The following ZNF280C variants were observed in gnomAD, a reference collection of about 807,000 sequenced individuals.
ZNF280C encodes the protein zinc finger protein 280C, also known as suppressor of hairy wing homolog 3.
Under a neutral mutation model 53.6 loss-of-function variants are expected in ZNF280C, and 14 were observed. The observed-to-expected ratio is 0.26, with a 90% CI of 0.17 to 0.41. The LOEUF (loss-of-function observed/expected upper bound fraction) is 0.41. Among genes scored for constraint, ZNF280C ranks in the 10% least tolerant of loss-of-function variants. ZNF280C has a pLI of 1.00. For synonymous variants in ZNF280C, 203 were observed against 181.1 expected (o/e 1.12, Z -0.97); for missense variants, 416 against 547.1 (o/e 0.76, Z 2.39).
rs780232989 is a variant in ZNF280C, at chrX:130,204,253, G to A, written c.*724C>T. The A allele has an allele frequency of 2.7e-5, 3 of 112,269 alleles. No homozygotes were observed. In the South Asian group the frequency reaches 1.1e-3, roughly 42 times the overall value. 9.3% of individuals were successfully genotyped at this position (112,269 alleles called of 1,213,427 possible). On this transcript the variant is annotated 3_prime_UTR_variant, in exon 19 of 19. Transcript: ENST00000370978. The stretch of plus-strand genomic sequence containing the variant: ...TCATGGACTTTTCTTGGTTAGAATC[G>A]ACCCATAAGCTTAAGATCAAAAGCC...
chrX:130,212,379 A>T (rs1166782485), intron 15 of ZNF280C, among the ~76,000 whole-genome samples: 1 of 111,483 alleles, frequency 9.0e-6, no homozygotes, highest in Non-Finnish European at 1.9e-5. Flanking sequence ...GGACAAGAAC[A>T]GTTGAAGGGA....
At chrX:130,206,361 G>GTTTT (rs1048503644) in intron 16 of ZNF280C, among the ~76,000 whole-genome samples, 18 of 73,476 alleles carry the variant, frequency 2.4e-4, no homozygotes, top group East Asian at 5.1e-4. Flanking sequence ...GACTTCTTTA[G>GTTTT]TTTTTTTTTT....
intron 2 of ZNF280C, among the ~76,000 whole-genome samples, chrX:130,250,908 A>G (rs2032500575): frequency 9.1e-6 from 1 of 109,946 alleles, no homozygotes; most frequent in Non-Finnish European, 1.9e-5. Context: ...CGGCCTGGAT[A>G]GGTAACATGG....
chrX:130,236,669 T>C (rs1472790446), intron 6 of ZNF280C, 30 bp from the exon 7 acceptor site: 1 of 1,032,025 alleles, frequency 9.7e-7, no homozygotes, highest in Non-Finnish European at 1.3e-6. Flanking sequence ...GAGAAAGATA[T>C]TTGTAAATAT....
chrX:130,254,516 A>G (rs1400012077), intron 2 of ZNF280C, among the ~76,000 whole-genome samples: 1 of 112,361 alleles, frequency 8.9e-6, no homozygotes, highest in East Asian at 2.8e-4. Context: ...CCAAATGCCC[A>G]TCAATGGTAG....
chrX:130,262,383 C>T (rs758955200), intron 1 of ZNF280C, among the ~76,000 whole-genome samples: 3 of 112,443 alleles, frequency 2.7e-5, no homozygotes, highest in South Asian at 3.7e-4. Context: ...TGGGACGACA[C>T]GTCAAAAGAA....
At chrX:130,259,059 C>T (rs2032602822) in intron 2 of ZNF280C, among the ~76,000 whole-genome samples, 1 of 111,851 alleles carries the variant, frequency 8.9e-6, no homozygotes, top group Admixed American at 9.5e-5. Context: ...ACTTCCTCAG[C>T]AAACCATTAG....
intron 12 of ZNF280C, among the ~76,000 whole-genome samples, chrX:130,221,848 A>G (rs2032167286): frequency 9.0e-6 from 1 of 111,400 alleles, no homozygotes; most frequent in African/African-American, 3.3e-5. Context: ...GTGATCTTAA[A>G]ATGTTACAGA....
intron 6 of ZNF280C, 78 bp downstream of exon 6, chrX:130,239,504 C>T (rs1183679289): frequency 1.7e-6 from 1 of 576,984 alleles, no homozygotes; most frequent in Non-Finnish European, 2.8e-6. Flanking sequence ...GTATGGGCTT[C>T]AAAACAGAAA....
chrX:130,208,789 G>A lies in ZNF280C; in HGVS notation c.2042+864C>T, dbSNP rs886469571. On this transcript the variant is annotated intron_variant, in intron 16 of 18. Coordinates refer to ENST00000370978, the MANE Select transcript of ZNF280C (RefSeq NM_017666.5). Reference sequence around the variant, plus strand: ...CGGCTCACTGCAACCTCTGCCCTCCGGGTTCAAGCGATTCTCCTGCCTCAG... The same window carrying A: ...CGGCTCACTGCAACCTCTGCCCTCCAGGTTCAAGCGATTCTCCTGCCTCAG... Among the ~76,000 whole-genome samples, 5 of 108,334 alleles carry A rather than the reference G, an allele frequency of 4.6e-5. No individual in the cohort carries two copies. In the South Asian group the frequency reaches 1.2e-3, roughly 27 times the overall value. 94.1% of individuals were successfully genotyped at this position (108,334 alleles called of 115,157 possible).
At chrX:130,208,396 C>T (rs1013955041) in intron 16 of ZNF280C, among the ~76,000 whole-genome samples, 9 of 111,649 alleles carry the variant, frequency 8.1e-5, no homozygotes, top group African/African-American at 2.9e-4. Flanking sequence ...TCCCAAAGTG[C>T]TGGGATTACA....
chrX:130,243,677 A>T lies in ZNF280C; in HGVS notation c.267T>A (p.Thr89=), dbSNP rs905063462. 1.7e-6 allele frequency: 2 copies of T among 1,207,070 alleles called. No individual in the cohort carries two copies. The highest frequency in any genetic ancestry group is 3.5e-5 in the African/African-American group (2 of 57,175). ...HSPGIPEIFR[T]ASQRCRDPPS... is the part of the protein sequence containing the mutation. ...GTGGGTCTCTGCAGCGTTGACTTGC[A>T]GTCCTGAATATTTCAGGAATACCTG... The change falls in exon 5 of 19, where the codon ACT becomes ACA. Residue 89 remains threonine (T), a synonymous_variant. Transcript: ENST00000370978.
chrX:130,266,693 A>C (rs1308072504), intron 1 of ZNF280C, among the ~76,000 whole-genome samples: 2 of 112,079 alleles, frequency 1.8e-5, no homozygotes, highest in Non-Finnish European at 3.8e-5. Flanking sequence ...CAAATGAATA[A>C]AGTCTAGACG....
At chrX:130,240,314 T>C (rs1408618641) in intron 5 of ZNF280C, among the ~76,000 whole-genome samples, 5 of 111,442 alleles carry the variant, frequency 4.5e-5, no homozygotes, top group Non-Finnish European at 9.5e-5. Context: ...TATACTCTAA[T>C]GTCACCCTAA....
intron 2 of ZNF280C, among the ~76,000 whole-genome samples, chrX:130,249,647 GA>G (rs1189611315): frequency 4.5e-5 from 5 of 111,472 alleles, no homozygotes; most frequent in Non-Finnish European, 1.9e-5. Flanking sequence ...TCAGGTAGAA[GA>G]AAAAAATAAT....
chrX:130,205,337 A>C lies in ZNF280C; in HGVS notation c.2121T>G (p.Ser707Arg). Residue 707 changes from serine to arginine, a missense_variant, in exon 17 of 19, where the codon AGT becomes AGG. Ser to Arg is a moderately radical substitution (Grantham distance 110, BLOSUM62 -1). Coordinates refer to ENST00000370978, the MANE Select transcript of ZNF280C (RefSeq NM_017666.5). Reference sequence around the variant, plus strand: ...CTTGGCAAGTATGAGTTTTACGTTGACTTAAGTGTTTAGCCATACGATCTA... The same window carrying C: ...CTTGGCAAGTATGAGTTTTACGTTGCCTTAAGTGTTTAGCCATACGATCTA... Reference protein sequence around the residue: ...SGLDRMAKHLSQRKTHTCQVI... With the variant: ...SGLDRMAKHLRQRKTHTCQVI... The C allele has an allele frequency of 8.3e-7, 1 of 1,209,580 alleles. No individual in the cohort carries two copies. The highest frequency in any genetic ancestry group is 1.1e-6 in the Non-Finnish European group (1 of 894,095).
In ZNF280C at chrX:130,216,030, G is replaced by A; in HGVS notation, c.1599C>T (p.Gly533=). The change falls in exon 14 of 19, where the codon GGC becomes GGT. Residue 533 remains glycine (G), a synonymous_variant. Coordinates refer to ENST00000370978, the MANE Select transcript of ZNF280C (RefSeq NM_017666.5). The stretch of plus-strand genomic sequence containing the variant: ...GAGGTGTGACCTGAAGAAAAGAAGT[G>A]CCTGGAGCGCAACCGAAAGGTGCAG... The part of the protein sequence containing the change: ...LPTAPFGCAP[G]TSFLQVTPPT... The A allele has an allele frequency of 8.3e-7, 1 of 1,211,467 alleles. No individual in the cohort carries two copies. The highest frequency in any genetic ancestry group is 1.1e-6 in the Non-Finnish European group (1 of 895,216).
At chrX:130,214,511 A>G (rs1469734905) in intron 15 of ZNF280C, among the ~76,000 whole-genome samples, 2 of 111,288 alleles carry the variant, frequency 1.8e-5, no homozygotes, top group African/African-American at 6.5e-5. Flanking sequence ...AGAGGATAAC[A>G]CTCAGGAAAT....
intron 1 of ZNF280C, among the ~76,000 whole-genome samples, chrX:130,260,800 T>A (rs2032622807): frequency 1.8e-5 from 2 of 111,920 alleles, no homozygotes; most frequent in Admixed American, 9.5e-5. Context: ...ACATTTAACA[T>A]ATAGTTAAAT....
Sources: gnomAD v4.1 joint callset for allele counts (sites outside exome capture counted in the v4.1 genomes callset) on GRCh38, gnomAD v4.1.1 for gene constraint, MANE v1.5 for transcripts, NCBI Gene and HGNC (gene_info 2026-07-23, HGNC 2026-07-21) for gene names.